The following COL11A1 variants were observed in gnomAD, a reference collection of about 807,000 sequenced individuals.
COL11A1 encodes collagen type XI alpha 1 chain.
A neutral mutation model predicts 265.2 loss-of-function variants in COL11A1; 74 were observed. That is an observed-to-expected ratio of 0.28 (90% confidence interval 0.23 to 0.34). The LOEUF (loss-of-function observed/expected upper bound fraction) is 0.34. Ranked by LOEUF, COL11A1 falls within the 10% of genes least tolerant of loss-of-function variation. The pLI is 1.00. For missense variants in COL11A1, 2,165 were observed against 2,263.6 expected (o/e 0.96, Z 0.88); for synonymous variants, 816 against 727.6 (o/e 1.12, Z -1.96).
At position 102,974,834 on chromosome 1, in the gene COL11A1, G is replaced by T. The variant is rs368422725; in HGVS notation, c.2804C>A (p.Pro935His). ...GPVGFPGPKG[P>H]PGPPGKDGLP... The stretch of plus-strand genomic sequence containing the variant: ...AAGAGAAGCTCTGACACTTACAGGA[G>T]GGCCTTTTGGTCCAGGGAATCCAAC... Residue 935 changes from proline to histidine, a missense_variant, in exon 36 of 67, where the codon CCT becomes CAT. Physicochemically the swap from Pro to His is moderately conservative, Grantham distance 77 (BLOSUM62 -2). Coordinates refer to ENST00000370096, the MANE Select transcript of COL11A1 (RefSeq NM_001854.4). 5.0e-6 allele frequency: 8 copies of T among 1,612,426 alleles called. No homozygotes were observed. Among genetic ancestry groups the T allele is most frequent in the Non-Finnish European group, 6.8e-6 (8 of 1,178,782 alleles).
At chr1:103,086,477 C>T (rs976970225) in intron 1 of COL11A1, among the ~76,000 whole-genome samples, 12 of 152,088 alleles carry the variant, frequency 7.9e-5, no homozygotes, top group Non-Finnish European at 1.6e-4. Flanking sequence ...AGTGCAGTGG[C>T]GCGATCTCGG....
chr1:102,960,190 A>G (rs1660760299), intron 41 of COL11A1, among the ~76,000 whole-genome samples: 1 of 152,132 alleles, frequency 6.6e-6, no homozygotes, highest in African/African-American at 2.4e-5. Flanking sequence ...TAATTATGTC[A>G]ATGGTTGTTA....
intron 38 of COL11A1, among the ~76,000 whole-genome samples, chr1:102,962,974 A>G (rs1008372428): frequency 6.6e-6 from 1 of 152,184 alleles, no homozygotes; most frequent in Non-Finnish European, 1.5e-5. Flanking sequence ...ATCTGAGTGT[A>G]AAAGGAAAGT....
In COL11A1 at chr1:103,082,787, A is replaced by G. The variant is rs755118082; in HGVS notation, c.274+18T>C. On this transcript the variant is annotated intron_variant, in intron 2 of 66. Coordinates refer to ENST00000370096, the MANE Select transcript of COL11A1 (RefSeq NM_001854.4). ...ACTTTTAGTAATAATAACAATAATAATAATAAAGTGAATATACCTGGAAAT... is the reference window on the plus strand; with the variant it reads ...ACTTTTAGTAATAATAACAATAATAGTAATAAAGTGAATATACCTGGAAAT... 6.2e-7 allele frequency: 1 copy of G among 1,600,438 alleles called. No homozygotes were observed. The highest frequency in any genetic ancestry group is 1.1e-5 in the South Asian group (1 of 89,858).
chr1:103,062,015 T>A (rs1670714924), intron 4 of COL11A1, among the ~76,000 whole-genome samples: 1 of 151,762 alleles, frequency 6.6e-6, no homozygotes, highest in African/African-American at 2.4e-5. Flanking sequence ...TCACCACAGA[T>A]CCCATGGACA....
chr1:103,060,848 C>T (rs1432812065), intron 4 of COL11A1, among the ~76,000 whole-genome samples: 1 of 151,898 alleles, frequency 6.6e-6, no homozygotes, highest in African/African-American at 2.4e-5. Context: ...GAAGGATCAC[C>T]TGAGCCCAGG....
At chr1:102,899,836 CT>C (rs2100931599) in intron 54 of COL11A1, among the ~76,000 whole-genome samples, 1 of 152,150 alleles carries the variant, frequency 6.6e-6, no homozygotes, top group Admixed American at 6.6e-5. Flanking sequence ...AGGAGGGTGA[CT>C]GTTCCTTTTC....
intron 41 of COL11A1, among the ~76,000 whole-genome samples, chr1:102,956,307 T>C (rs1570857177): frequency 6.6e-6 from 1 of 152,296 alleles, no homozygotes; most frequent in Admixed American, 6.5e-5. Context: ...AGTATATTCT[T>C]ATTATTTACT....
intron 50 of COL11A1, 71 bp from the exon 51 acceptor site, chr1:102,914,882 T>A: frequency 4.8e-6 from 6 of 1,250,544 alleles, no homozygotes; most frequent in African/African-American, 1.5e-5. Flanking sequence ...TGCATAAAAG[T>A]TTATTAACCT....
At chr1:102,919,780 A>G (rs1164408004) in intron 49 of COL11A1, among the ~76,000 whole-genome samples, 1 of 152,134 alleles carries the variant, frequency 6.6e-6, no homozygotes, top group East Asian at 1.9e-4. Flanking sequence ...TTCATGCCAA[A>G]TATTTTGACA....
chr1:102,890,630 G>T, intron 57 of COL11A1, 126 bp from the exon 58 acceptor site: 2 of 651,866 alleles, frequency 3.1e-6, no homozygotes, highest in South Asian at 2.5e-5. Flanking sequence ...AATGATTAAT[G>T]TTGCTTTATT....
intron 4 of COL11A1, among the ~76,000 whole-genome samples, chr1:103,073,347 T>G (rs1355574006): frequency 6.6e-6 from 1 of 151,894 alleles, no homozygotes; most frequent in African/African-American, 2.4e-5. Flanking sequence ...ATAATTCACA[T>G]GCAACTTATG....
rs1164779593 is a variant in COL11A1, at chr1:102,911,527, G to GA, written c.4086+631dup. Among the ~76,000 whole-genome samples, 3 of 152,144 alleles carry GA rather than the reference G, an allele frequency of 2.0e-5. No homozygotes were observed. The East Asian group carries it at 5.8e-4, about 29-fold the overall frequency. ...GGTACAGAAGAACACGCTAAAGTGA[G>GA]ATAGCTGCTGTAAGAGGCAGGTCTG... On this transcript the variant is annotated intron_variant, in intron 54 of 66. Coordinates refer to ENST00000370096, the MANE Select transcript of COL11A1 (RefSeq NM_001854.4).
intron 9 of COL11A1, among the ~76,000 whole-genome samples, chr1:103,021,169 A>T (rs187696092): frequency 6.6e-6 from 1 of 151,278 alleles, no homozygotes; most frequent in African/African-American, 2.4e-5. Flanking sequence ...TCTTAGCAAT[A>T]TTATTAGTAA....
Position 103,083,034 on chromosome 1 carries a change from A to ATTTT in COL11A1, c.107-66_107-63dup, listed in dbSNP as rs1672540806. On this transcript the variant is annotated intron_variant, in intron 1 of 66. Coordinates refer to ENST00000370096, the MANE Select transcript of COL11A1 (RefSeq NM_001854.4). ...ACAACGATCTGATATAACAATGAGT[A>ATTTT]TTTTTAACACAGGATAGTATGTCAT... 2.0e-6 allele frequency: 3 copies of ATTTT among 1,481,188 alleles called. No individual in the cohort carries two copies. In the Admixed American group the frequency reaches 5.2e-5, roughly 26 times the overall value. 91.8% of individuals were successfully genotyped at this position (1,481,188 alleles called of 1,614,324 possible). A position where few individuals can be genotyped will look rare whatever the true frequency, so the allele number is the denominator to read the frequency against.
At chr1:102,979,180 A>G in intron 32 of COL11A1, 76 bp from the exon 33 acceptor site, 1 of 1,354,176 alleles carries the variant, frequency 7.4e-7, no homozygotes, top group Non-Finnish European at 1.1e-6. Context: ...CTGAGTAGTC[A>G]TGCAAGAACA....
chr1:102,951,440 G>T (rs1285445548), intron 41 of COL11A1, among the ~76,000 whole-genome samples: 1 of 152,214 alleles, frequency 6.6e-6, no homozygotes, highest in Non-Finnish European at 1.5e-5. Context: ...GCTCACACCT[G>T]TAATCCCAGC....
rs986897329 is a variant in COL11A1, at chr1:102,938,426, A to T, written c.3438+609T>A. ...AGAACTTAGAAAATAATGTCCACAG[A>T]TATTCTTTAGAGAGTATAAATTAGT... On this transcript the variant is annotated intron_variant, in intron 44 of 66. Coordinates refer to ENST00000370096, the MANE Select transcript of COL11A1 (RefSeq NM_001854.4). 5.9e-5 allele frequency among the ~76,000 whole-genome samples: 9 copies of T among 152,216 alleles called. No individual in the cohort carries two copies. In the East Asian group the frequency reaches 1.7e-3, roughly 29 times the overall value.
chr1:102,934,242 A>T (rs778070989), intron 46 of COL11A1, among the ~76,000 whole-genome samples: 2 of 152,218 alleles, frequency 1.3e-5, no homozygotes, highest in Admixed American at 6.5e-5. Context: ...GCGAGGGCTG[A>T]TACATGTTCA....
Sources: allele counts gnomAD v4.1 joint callset (sites outside exome capture counted in the v4.1 genomes callset), GRCh38; gene constraint gnomAD v4.1.1; transcripts MANE v1.5; gene names NCBI Gene and HGNC (gene_info 2026-07-23, HGNC 2026-07-21).